The following ZNF468 variants were observed in gnomAD, a reference collection of about 807,000 sequenced individuals.
The protein encoded by ZNF468 is zinc finger protein 468, also known as zinc finger protein ZNF468.
In ZNF468, 8 loss-of-function variants were observed where a neutral mutation model predicts 7.2. That is an observed-to-expected ratio of 1.11 (90% CI 0.65 to 2.01). The LOEUF is 2.01. ZNF468 is among the 30% of genes most tolerant of loss of function. The probability of loss-of-function intolerance (pLI) is 0.00; values close to 1 mark genes in which losing one functional copy is unlikely to be tolerated. For missense variants in ZNF468, 608 were observed against 626.5 expected (o/e 0.97, Z 0.31); for synonymous variants, 218 against 214.4 (o/e 1.02, Z -0.15).
Position 52,849,351 on chromosome 19 carries a change from C to G in ZNF468, c.16-138G>C, listed in dbSNP as rs1173223555. 2.0e-6 allele frequency: 3 copies of G among 1,499,018 alleles called. No individual in the cohort carries two copies. The East Asian group carries it at 6.8e-5, about 34-fold the overall frequency. 92.9% of individuals were successfully genotyped at this position (1,499,018 alleles called of 1,614,324 possible). A position where few individuals can be genotyped will look rare whatever the true frequency, so the allele number is the denominator to read the frequency against. On this transcript the variant is annotated intron_variant, in intron 2 of 3. Transcript: ENST00000595646. ...ACAAATCCAAATAAGGGATTTCTCA[C>G]TACATGATGTCTCCCCAGATGTATT...
chr19:52,844,787 T>G (rs1178211989), intron 3 of ZNF468, among the ~76,000 whole-genome samples: 2 of 152,060 alleles, frequency 1.3e-5, no homozygotes, highest in Admixed American at 1.3e-4. Context: ...GATCAACCTG[T>G]TGCAGCCTCC....
At chr19:52,855,425 G>T (rs577030178) in intron 1 of ZNF468, among the ~76,000 whole-genome samples, 2 of 152,350 alleles carry the variant, frequency 1.3e-5, no homozygotes, top group East Asian at 3.9e-4. Flanking sequence ...AAAAGCAAAT[G>T]TGACTGGGGC....
intron 3 of ZNF468, among the ~76,000 whole-genome samples, chr19:52,847,061 GA>G (rs1161539859): frequency 6.6e-6 from 1 of 152,044 alleles, no homozygotes; most frequent in Non-Finnish European, 1.5e-5. Flanking sequence ...AAAGTGTGGG[GA>G]AAAGAGAGTT....
chr19:52,842,694 T>C (rs553971797), intron 3 of ZNF468, among the ~76,000 whole-genome samples: 10 of 151,368 alleles, frequency 6.6e-5, no homozygotes, highest in African/African-American at 2.2e-4. Flanking sequence ...CCAGCACCTG[T>C]ACTCCCAGCT....
intron 3 of ZNF468, among the ~76,000 whole-genome samples, chr19:52,848,532 C>T (rs1034391227): frequency 6.6e-6 from 1 of 152,090 alleles, no homozygotes; most frequent in South Asian, 2.1e-4. Context: ...AACTGGATAT[C>T]TTTAAAGTCT....
intron 2 of ZNF468, chr19:52,853,895 C>T (rs768024859): frequency 6.4e-5 from 82 of 1,291,314 alleles, no homozygotes; most frequent in Middle Eastern, 5.9e-4. Flanking sequence ...CATATTAATA[C>T]GTGACTCCCA....
intron 2 of ZNF468, 87 bp from the exon 3 acceptor site, chr19:52,849,300 T>C: frequency 6.3e-6 from 10 of 1,599,866 alleles, no homozygotes; most frequent in Non-Finnish European, 8.5e-6. Flanking sequence ...GGGGAAAGCA[T>C]GGATTTAACT....
In ZNF468 at chr19:52,842,120, C is replaced by G; in HGVS notation, c.174G>C (p.Leu58Phe). 6.3e-7 allele frequency: 1 copy of G among 1,594,306 alleles called. No individual in the cohort carries two copies. Among genetic ancestry groups the G allele is most frequent in the South Asian group, 1.1e-5 (1 of 88,294 alleles). ...CTGTATTGCCTTGCCCTGTTGACGA[C>G]AACGTCTTCAACATGCATTTGGAAG... ...DISSKCMLKT[L>F]SSTGQGNTEV... The change falls in exon 4 of 4, where the codon TTG (leucine) becomes TTC (phenylalanine). Residue 58 changes from leucine (L) to phenylalanine (F), a missense_variant. By Grantham distance (22) the Leu-to-Phe change is conservative. Coordinates refer to ENST00000595646, the MANE Select transcript of ZNF468 (RefSeq NM_001008801.2).
rs1568674314 is a variant in ZNF468, at chr19:52,841,486, G to T, written c.808C>A (p.Pro270Thr). The change falls in exon 4 of 4, where the codon CCT becomes ACT. Residue 270 changes from proline (P) to threonine (T), a missense_variant. Physicochemically the swap from Pro to Thr is conservative, Grantham distance 38. Coordinates refer to ENST00000595646, the MANE Select transcript of ZNF468 (RefSeq NM_001008801.2). ...TTGCCACACTCATTACACTTGTAAG[G>T]TTTCTCACCAGTGTGACATCTACGA... ...CHRRCHTGEK[P>T]YKCNECGKTF... 1.9e-6 allele frequency: 3 copies of T among 1,614,010 alleles called. No individual in the cohort carries two copies. Among genetic ancestry groups the T allele is most frequent in the Non-Finnish European group, 2.5e-6 (3 of 1,180,020 alleles).
Position 52,841,528 on chromosome 19 carries a change from G to T in ZNF468, c.766C>A (p.Arg256=). 1.2e-6 allele frequency: 2 copies of T among 1,614,080 alleles called. No homozygotes were observed. Among genetic ancestry groups the T allele is most frequent in the East Asian group, 4.5e-5 (2 of 44,864 alleles). The stretch of plus-strand genomic sequence containing the variant: ...CATCTACGATGGCAGGCAAGGTATC[G>T]CTTCTGATTAAAGACCTTGCCACAT... ...DVCGKVFNQK[R]YLACHRRCHT... is the part of the protein sequence containing the mutation. Residue 256 remains arginine (R), a synonymous_variant, in exon 4 of 4, where the codon CGA becomes AGA. Transcript: ENST00000595646.
intron 3 of ZNF468, 84 bp from the exon 4 acceptor site, chr19:52,842,235 AC>A (rs2063310462): frequency 1.6e-6 from 2 of 1,228,366 alleles, no homozygotes; most frequent in South Asian, 2.0e-5. Context: ...CAGAAAAAAA[AC>A]AATACTTATT....
intron 2 of ZNF468, among the ~76,000 whole-genome samples, chr19:52,851,100 C>G (rs1429205085): frequency 6.6e-6 from 1 of 151,932 alleles, no homozygotes; most frequent in Non-Finnish European, 1.5e-5. Context: ...TGGTGAAACA[C>G]TGTCTCTTCT....
chr19:52,845,519 T>G (rs1269957955), intron 3 of ZNF468, among the ~76,000 whole-genome samples: 1 of 150,944 alleles, frequency 6.6e-6, no homozygotes, highest in East Asian at 2.0e-4. Context: ...ATTAGCTGGG[T>G]ATAGTGGTGC....
chr19:52,854,053 C>CG (rs201787090), intron 2 of ZNF468: 2 of 1,505,506 alleles, frequency 1.3e-6, no homozygotes, highest in Non-Finnish European at 1.8e-6. Context: ...TTCCCAGGAC[C>CG]TGCCCAGTGC....
At chr19:52,851,891 T>C (rs73069440) in intron 2 of ZNF468, among the ~76,000 whole-genome samples, 12,812 of 152,134 alleles carry the variant, frequency 0.084, 558 homozygotes, top group South Asian at 0.098. Flanking sequence ...ATTTTCAAAA[T>C]ATATGTGTTT....
chr19:52,841,762 G>A lies in ZNF468; in HGVS notation c.532C>T (p.Gln178Ter), dbSNP rs761958700. 3 of 1,614,026 alleles carry A rather than the reference G, an allele frequency of 1.9e-6. No individual in the cohort carries two copies. The South Asian group carries it at 3.3e-5, about 18-fold the overall frequency. ...GTTTTGGGCCTACAACAAATTCTTT[G>A]GGATGTTGAAACTGAGGAAGCATTG... ...INNASSVSTS[Q>*]RICCRPKTHI... is the part of the protein sequence containing the mutation. The change falls in exon 4 of 4, where the codon CAA (glutamine) becomes TAA (stop). Residue 178 changes from glutamine to a stop codon, truncating the protein, a stop_gained. Coordinates refer to ENST00000595646, the MANE Select transcript of ZNF468 (RefSeq NM_001008801.2). LOFTEE classifies it low-confidence loss of function (END_TRUNC).
chr19:52,854,426 C>T, intron 1 of ZNF468, 81 bp from the exon 2 acceptor site: 1 of 1,390,954 alleles, frequency 7.2e-7, no homozygotes, highest in Non-Finnish European at 9.8e-7. Flanking sequence ...CATAGGAGAC[C>T]TCACCCTGGG....
chr19:52,841,253 T>C lies in ZNF468; in HGVS notation c.1041A>G (p.Ile347Met), dbSNP rs751092591. 1.2e-6 allele frequency: 2 copies of C among 1,613,642 alleles called. No homozygotes were observed. Among genetic ancestry groups the C allele is most frequent in the African/African-American group, 1.3e-5 (1 of 74,800 alleles). Reference sequence around the variant, plus strand: ...TGTAAGGTTTCTCTCCAGTGTGAAGTATAGTATGTTTTGCCAGATATGAAT... The same window carrying C: ...TGTAAGGTTTCTCTCCAGTGTGAAGCATAGTATGTTTTGCCAGATATGAAT... Reference protein sequence around the residue: ...AYNSYLAKHTILHTGEKPYTC... With the variant: ...AYNSYLAKHTMLHTGEKPYTC... Residue 347 changes from isoleucine (I) to methionine (M), a missense_variant, in exon 4 of 4, where the codon ATA (isoleucine) becomes ATG (methionine). Physicochemically the swap from Ile to Met is conservative, Grantham distance 10. Coordinates refer to ENST00000595646, the MANE Select transcript of ZNF468 (RefSeq NM_001008801.2).
At chr19:52,843,560 G>A (rs578225716) in intron 3 of ZNF468, among the ~76,000 whole-genome samples, 245 of 152,168 alleles carry the variant, frequency 1.6e-3, no homozygotes, top group African/African-American at 5.6e-3. Context: ...TGGGGGGAGT[G>A]TGTCCGTTAT....
Sources: allele counts gnomAD v4.1 joint callset (sites outside exome capture counted in the v4.1 genomes callset), GRCh38; gene constraint gnomAD v4.1.1; transcripts MANE v1.5; gene names NCBI Gene and HGNC (gene_info 2026-07-23, HGNC 2026-07-21).